Variants in PDE4D observed in about 807,000 individuals in gnomAD.
The protein encoded by PDE4D is 3',5'-cyclic-AMP phosphodiesterase 4D.
PDE4D carries 24 observed loss-of-function variants against 87.4 expected under a neutral mutation model. The observed-to-expected ratio is 0.27, with a 90% CI of 0.20 to 0.39. PDE4D has a LOEUF of 0.39. Among genes scored for constraint, PDE4D ranks in the 10% least tolerant of loss-of-function variants. The pLI, the probability that PDE4D is intolerant of heterozygous loss-of-function variation, is 1.00. For missense variants in PDE4D, 714 were observed against 1,041.0 expected (o/e 0.69, Z 4.32); for synonymous variants, 384 against 383.2 (o/e 1.00, Z -0.02).
chr5:59,886,035 T>G (rs956239696), intron 1 of PDE4D, among the ~76,000 whole-genome samples: 15 of 152,146 alleles, frequency 9.9e-5, no homozygotes, highest in African/African-American at 3.6e-4. Context: ...ATTAAGAAAA[T>G]CAAATATATC....
chr5:60,283,384 C>T (rs929054779), intron 1 of PDE4D, among the ~76,000 whole-genome samples: 4 of 152,030 alleles, frequency 2.6e-5, no homozygotes, highest in African/African-American at 7.2e-5. Flanking sequence ...TTTTTTGTTA[C>T]AAATGTTGTA....
intron 1 of PDE4D, among the ~76,000 whole-genome samples, chr5:60,250,865 G>A (rs1748353355): frequency 6.6e-6 from 1 of 151,922 alleles, no homozygotes; most frequent in Admixed American, 6.6e-5. Context: ...AGAAGGCATG[G>A]TCATCAGAGA....
intron 1 of PDE4D, among the ~76,000 whole-genome samples, chr5:59,493,655 T>C (rs1806626156): frequency 6.6e-6 from 1 of 152,234 alleles, no homozygotes; most frequent in Non-Finnish European, 1.5e-5. Context: ...GACCAAATGA[T>C]AGGTGTCCTG....
At chr5:59,697,333 A>G (rs1751929225) in intron 1 of PDE4D, among the ~76,000 whole-genome samples, 1 of 152,224 alleles carries the variant, frequency 6.6e-6, no homozygotes, top group Non-Finnish European at 1.5e-5. Flanking sequence ...ATTGTGTTAA[A>G]TGCTATAAAA....
intron 2 of PDE4D, among the ~76,000 whole-genome samples, chr5:60,148,467 T>C (rs1582869805): frequency 6.6e-6 from 1 of 152,342 alleles, no homozygotes; most frequent in African/African-American, 2.4e-5. Flanking sequence ...ATATTAACAC[T>C]ATACCATTTT....
intron 1 of PDE4D, among the ~76,000 whole-genome samples, chr5:60,335,885 C>T (rs115796146): frequency 8.8e-4 from 134 of 152,254 alleles, no homozygotes; most frequent in African/African-American, 3.0e-3. Flanking sequence ...ACCAAAGATG[C>T]TATTTTTAAG....
rs61006284 is a variant in PDE4D, at chr5:60,458,386, CAAAAA to C, written c.-90+29551_-90+29555del. 1.6e-4 allele frequency among the ~76,000 whole-genome samples: 12 copies of C among 75,184 alleles called. No individual in the cohort carries two copies. The South Asian group carries it at 4.1e-3, about 26-fold the overall frequency. The allele number at this position is 75,184 out of a possible 152,430, so 49.3% of individuals were successfully genotyped here. The stretch of plus-strand genomic sequence containing the variant: ...TGGGCAACAGGGTGAGACTTCATTG[CAAAAA>C]AAAAAAAAAAAAAAAAAGCAAAAGA... On this transcript the variant is annotated intron_variant, in intron 1 of 16. Transcript: ENST00000502484.
At chr5:59,690,627 C>T (rs1750747409) in intron 1 of PDE4D, among the ~76,000 whole-genome samples, 2 of 152,142 alleles carry the variant, frequency 1.3e-5, no homozygotes, top group Non-Finnish European at 2.9e-5. Context: ...TACAAGAAAA[C>T]CTAGGCAATA....
chr5:60,482,198 C>T (rs896772502), intron 1 of PDE4D, among the ~76,000 whole-genome samples: 3 of 152,084 alleles, frequency 2.0e-5, no homozygotes, highest in African/African-American at 7.2e-5. Flanking sequence ...CTAGCTCACC[C>T]TCTTTCTGCC....
At chr5:59,593,334 AAG>A (rs1350374322) in intron 1 of PDE4D, among the ~76,000 whole-genome samples, 154 of 152,032 alleles carry the variant, frequency 1.0e-3, no homozygotes, top group Admixed American at 1.7e-3. Flanking sequence ...AAAAAAAAAA[AAG>A]AGAAATGTTG....
At chr5:59,417,235 C>T (rs1465390378) in intron 1 of PDE4D, among the ~76,000 whole-genome samples, 2 of 152,010 alleles carry the variant, frequency 1.3e-5, no homozygotes, top group Admixed American at 6.5e-5. Flanking sequence ...TGCTAAAGTA[C>T]TATATCTATT....
intron 2 of PDE4D, among the ~76,000 whole-genome samples, chr5:60,034,510 C>T (rs1422183690): frequency 6.6e-6 from 1 of 152,190 alleles, no homozygotes; most frequent in Non-Finnish European, 1.5e-5. Flanking sequence ...CTGCCTCTCT[C>T]TTAAAAGGCC....
intron 1 of PDE4D, among the ~76,000 whole-genome samples, chr5:59,819,718 A>T (rs1769413586): frequency 6.6e-6 from 1 of 152,198 alleles, no homozygotes; most frequent in Non-Finnish European, 1.5e-5. Flanking sequence ...AATTTTGAAA[A>T]TGAGGTCCTT....
intron 1 of PDE4D, among the ~76,000 whole-genome samples, chr5:59,788,423 C>T (rs1027171489): frequency 1.3e-5 from 2 of 152,154 alleles, no homozygotes; most frequent in African/African-American, 4.8e-5. Context: ...GAATGCTTTT[C>T]CAGGGATGAA....
chr5:59,733,264 G>T (rs1757632958), intron 1 of PDE4D, among the ~76,000 whole-genome samples: 1 of 152,024 alleles, frequency 6.6e-6, no homozygotes, highest in Non-Finnish European at 1.5e-5. Flanking sequence ...AAAATCCAAG[G>T]GCAATGAAAG....
intron 5 of PDE4D, among the ~76,000 whole-genome samples, chr5:59,073,677 C>T (rs1229476398): frequency 6.6e-6 from 1 of 152,128 alleles, no homozygotes; most frequent in Non-Finnish European, 1.5e-5. Context: ...TCAGGCCCCT[C>T]CCAGGACCAG....
At chr5:60,119,127 G>A (rs1778429817) in intron 2 of PDE4D, among the ~76,000 whole-genome samples, 2 of 152,078 alleles carry the variant, frequency 1.3e-5, no homozygotes, top group Admixed American at 6.6e-5. Flanking sequence ...TGCCCTTTAA[G>A]GTATTCCACA....
intron 1 of PDE4D, among the ~76,000 whole-genome samples, chr5:59,422,921 T>C (rs567768522): frequency 3.3e-5 from 5 of 152,360 alleles, no homozygotes; most frequent in African/African-American, 1.2e-4. Flanking sequence ...ATATTACCTA[T>C]TGTTTATTTC....
chr5:59,342,854 T>C (rs752104374), intron 1 of PDE4D, among the ~76,000 whole-genome samples: 1 of 152,174 alleles, frequency 6.6e-6, no homozygotes, highest in Non-Finnish European at 1.5e-5. Flanking sequence ...CGCAAGATGA[T>C]GTTCTGAAAT....
Sources: gnomAD v4.1 joint callset for allele counts (sites outside exome capture counted in the v4.1 genomes callset) on GRCh38, gnomAD v4.1.1 for gene constraint, MANE v1.5 for transcripts, NCBI Gene and HGNC (gene_info 2026-07-23, HGNC 2026-07-21) for gene names.